The following TAF2 variants were observed in gnomAD, a reference collection of about 807,000 sequenced individuals.
TAF2 encodes TATA-box binding protein associated factor 2, also known as transcription initiation factor TFIID subunit 2.
In TAF2, 61 loss-of-function variants were observed where a neutral mutation model predicts 138.5. The ratio of observed to expected loss-of-function variants is 0.44; its 90% confidence interval spans 0.36 to 0.54. The LOEUF (loss-of-function observed/expected upper bound fraction) is 0.54, where lower values mean the gene tolerates loss of function less well. Among genes scored for constraint, TAF2 ranks in the 20% least tolerant of loss-of-function variants. The pLI is 0.00. For synonymous variants in TAF2, 475 were observed against 469.9 expected, an observed-to-expected ratio of 1.01 and a Z score of -0.14; for missense variants, 1,090 against 1,427.9, an observed-to-expected ratio of 0.76 and a Z score of 3.81.
intron 18 of TAF2, among the ~76,000 whole-genome samples, chr8:119,777,049 A>C (rs1822300151): frequency 6.6e-6 from 1 of 152,174 alleles, no homozygotes; most frequent in Non-Finnish European, 1.5e-5. Context: ...CATTCTTTCT[A>C]AACAGTATAG....
intron 20 of TAF2, 46 bp downstream of exon 20, chr8:119,760,553 A>G: frequency 1.2e-5 from 19 of 1,601,696 alleles, no homozygotes; most frequent in Non-Finnish European, 1.6e-5. Flanking sequence ...TAAAAAGTAA[A>G]TAGTTCTTTC....
intron 3 of TAF2, among the ~76,000 whole-genome samples, chr8:119,810,017 A>AAAAAC (rs1554659431): frequency 6.6e-6 from 1 of 151,340 alleles, no homozygotes; most frequent in Non-Finnish European, 1.5e-5. Context: ...AAAAAAAAAA[A>AAAAAC]CAGTATCTGC....
intron 18 of TAF2, among the ~76,000 whole-genome samples, chr8:119,770,668 T>C (rs1366902566): frequency 1.3e-5 from 2 of 152,156 alleles, no homozygotes; most frequent in African/African-American, 2.4e-5. Context: ...TCACAGATCC[T>C]ATAATTACAC....
At chr8:119,819,269 G>A in intron 3 of TAF2, 77 bp downstream of exon 3, 4 of 1,468,504 alleles carry the variant, frequency 2.7e-6, no homozygotes, top group Non-Finnish European at 3.7e-6. Context: ...AAAATACTTT[G>A]AGAAAAACTA....
At chr8:119,791,528 C>G (rs920907664) in intron 10 of TAF2, 69 bp from the exon 11 acceptor site, 1 of 1,532,760 alleles carries the variant, frequency 6.5e-7, no homozygotes, top group Non-Finnish European at 8.8e-7. Flanking sequence ...AATTTCATGA[C>G]CACATCAAGA....
At chr8:119,788,144 A>G (rs1823155038) in intron 14 of TAF2, among the ~76,000 whole-genome samples, 194 bp downstream of exon 14, 1 of 152,098 alleles carries the variant, frequency 6.6e-6, no homozygotes. Context: ...TGTAGATGAC[A>G]GGTTGATGGG....
intron 2 of TAF2, among the ~76,000 whole-genome samples, chr8:119,829,933 C>T (rs1826339677): frequency 6.7e-6 from 1 of 148,618 alleles, no homozygotes; most frequent in Admixed American, 6.7e-5. Flanking sequence ...GATCTCGGCT[C>T]CCTGCAAGTT....
At chr8:119,738,298 T>C (rs2130981052) in intron 25 of TAF2, among the ~76,000 whole-genome samples, 1 of 152,260 alleles carries the variant, frequency 6.6e-6, no homozygotes, top group Middle Eastern at 3.4e-3. Context: ...TTTACTTTCA[T>C]AGGAGCATAA....
chr8:119,736,687 T>C (rs534451426), intron 25 of TAF2, among the ~76,000 whole-genome samples: 1 of 152,204 alleles, frequency 6.6e-6, no homozygotes, highest in African/African-American at 2.4e-5. Context: ...AAAGTATAAA[T>C]TGAAATATCA....
chr8:119,734,508 C>A (rs916227717), intron 25 of TAF2, among the ~76,000 whole-genome samples: 1 of 152,222 alleles, frequency 6.6e-6, no homozygotes, highest in South Asian at 2.1e-4. Flanking sequence ...AGTTACCTTT[C>A]CAGCCTTCCA....
At position 119,801,863 on chromosome 8, in the gene TAF2, A is replaced by G. The variant is rs754714059; in HGVS notation, c.723T>C (p.Pro241=). Residue 241 remains proline (P), a synonymous_variant, in exon 6 of 26, where the codon CCT becomes CCC. Transcript: ENST00000378164. ...KKTFHYMLTI[P]TAASNISLAI... is the part of the protein sequence containing the mutation. ...CCAAGGAGATATTTGACGCTGCTGT[A>G]GGAATGGTAAGCATATAATGGAAAG... 1.9e-6 allele frequency: 3 copies of G among 1,614,216 alleles called. No homozygotes were observed. The highest frequency in any genetic ancestry group is 1.1e-5 in the South Asian group (1 of 91,088).
chr8:119,775,228 C>T (rs1822139536), intron 18 of TAF2, among the ~76,000 whole-genome samples: 2 of 143,352 alleles, frequency 1.4e-5, no homozygotes, highest in Middle Eastern at 3.8e-3. Context: ...TTGCAGTGAG[C>T]TGGAATTGTG....
At chr8:119,739,066 T>A (rs1819424271) in intron 25 of TAF2, among the ~76,000 whole-genome samples, 1 of 151,868 alleles carries the variant, frequency 6.6e-6, no homozygotes, top group Admixed American at 6.6e-5. Flanking sequence ...TTTTTCTGAC[T>A]TATGCAAGAA....
At chr8:119,830,301 A>G (rs1754670714) in intron 2 of TAF2, among the ~76,000 whole-genome samples, 1 of 152,176 alleles carries the variant, frequency 6.6e-6, no homozygotes, top group Non-Finnish European at 1.5e-5. Context: ...AAGTGAGTTA[A>G]TACACATAAA....
intron 15 of TAF2, among the ~76,000 whole-genome samples, chr8:119,784,770 C>T (rs1363632755): frequency 1.3e-5 from 2 of 152,152 alleles, no homozygotes; most frequent in South Asian, 2.1e-4. Flanking sequence ...GACCTTTGTT[C>T]TAAGGACAAA....
At chr8:119,788,289 T>C (rs1244954930) in intron 14 of TAF2, 49 bp downstream of exon 14, 1 of 1,490,966 alleles carries the variant, frequency 6.7e-7, no homozygotes, top group Non-Finnish European at 9.4e-7. Context: ...TTTTAGTCTG[T>C]GAGATTTGTA....
chr8:119,736,235 G>A (rs1819216105), intron 25 of TAF2, among the ~76,000 whole-genome samples: 1 of 152,186 alleles, frequency 6.6e-6, no homozygotes, highest in Admixed American at 6.5e-5. Context: ...TTGCATTAAA[G>A]AAATATTGGT....
intron 18 of TAF2, among the ~76,000 whole-genome samples, chr8:119,773,867 GTCTTATTAAAAA>G (rs372031577): frequency 1.3e-5 from 2 of 151,632 alleles, no homozygotes; most frequent in African/African-American, 4.8e-5. Context: ...CATAATAATT[GTCTTATTAAAAA>G]TATTGTTCTT....
intron 9 of TAF2, 138 bp downstream of exon 9, chr8:119,795,394 A>G: frequency 1.3e-6 from 1 of 781,196 alleles, no homozygotes; most frequent in Non-Finnish European, 2.2e-6. Context: ...ATAGACCATT[A>G]GTCTTTCTCA....
Sources: gnomAD v4.1 joint callset for allele counts (sites outside exome capture counted in the v4.1 genomes callset) on GRCh38, gnomAD v4.1.1 for gene constraint, MANE v1.5 for transcripts, NCBI Gene and HGNC (gene_info 2026-07-23, HGNC 2026-07-21) for gene names.